Variants in ATP10B observed in about 807,000 individuals in gnomAD.
ATP10B encodes phospholipid-transporting ATPase VB.
Under a neutral mutation model 141.2 loss-of-function variants are expected in ATP10B, and 122 were observed. The observed-to-expected ratio is 0.86, with a 90% CI of 0.75 to 1.00. The LOEUF is 1.00. ATP10B is among the 50% of genes least tolerant of loss of function. The pLI is 0.00. For missense variants in ATP10B, 1,876 were observed against 1,825.3 expected (o/e 1.03, Z -0.51); for synonymous variants, 685 against 692.0 (o/e 0.99, Z 0.16).
At position 160,831,861 on chromosome 5, in the gene ATP10B, T is replaced by A. The variant is rs114652478; in HGVS notation, c.-576+20080A>T. ...GATCAAGATGTGTGGAAAACACTGG[T>A]TTGAATAAAGTTAAATTTCTCACTT... On this transcript the variant is annotated intron_variant, in intron 1 of 25. Coordinates refer to ENST00000327245, the MANE Select transcript of ATP10B (RefSeq NM_025153.3). 6.0e-3 allele frequency among the ~76,000 whole-genome samples: 916 copies of A among 152,216 alleles called. 13 individuals carry two copies. The highest frequency in any genetic ancestry group is 0.021 in the African/African-American group (873 of 41,558).
At chr5:160,572,805 C>A (rs1754956636) in intron 24 of ATP10B, among the ~76,000 whole-genome samples, 1 of 152,188 alleles carries the variant, frequency 6.6e-6, no homozygotes, top group Non-Finnish European at 1.5e-5. Context: ...TGCTTATAGA[C>A]AATAAACCTC....
chr5:160,859,849 T>C, the ATP10B span, among the ~76,000 whole-genome samples: 601 of 152,038 alleles, frequency 4.0e-3, 4 homozygotes, highest in African/African-American at 0.014. Context: ...ACTCCATTTA[T>C]AAATAATGGC....
the ATP10B span, among the ~76,000 whole-genome samples, chr5:160,883,049 A>G: frequency 6.6e-6 from 1 of 152,234 alleles, no homozygotes; most frequent in African/African-American, 2.4e-5. Flanking sequence ...GTAAACATCA[A>G]ATATAGGAAT....
At chr5:160,744,783 A>C (rs1010950864) in intron 2 of ATP10B, among the ~76,000 whole-genome samples, 1 of 151,852 alleles carries the variant, frequency 6.6e-6, no homozygotes, top group Non-Finnish European at 1.5e-5. Context: ...CAATTTACAT[A>C]TGTTAAGTCT....
chr5:160,606,258 G>A (rs996428325), intron 19 of ATP10B, among the ~76,000 whole-genome samples: 1 of 152,118 alleles, frequency 6.6e-6, no homozygotes, highest in Non-Finnish European at 1.5e-5. Flanking sequence ...ACCAATGCTA[G>A]CATCTATTGG....
intron 1 of ATP10B, among the ~76,000 whole-genome samples, chr5:160,812,062 G>GC (rs1773215929): frequency 6.9e-6 from 1 of 145,966 alleles, no homozygotes; most frequent in African/African-American, 2.6e-5. Context: ...GAGAGAGAGG[G>GC]AGAGGGAGAG....
At chr5:160,771,521 TA>T (rs977748509) in intron 2 of ATP10B, among the ~76,000 whole-genome samples, 3 of 152,204 alleles carry the variant, frequency 2.0e-5, no homozygotes, top group East Asian at 1.9e-4. Context: ...TATATGTCCT[TA>T]AAAAATTTGA....
intron 2 of ATP10B, among the ~76,000 whole-genome samples, chr5:160,723,305 C>T (rs1007508087): frequency 7.9e-5 from 12 of 152,100 alleles, no homozygotes; most frequent in African/African-American, 2.7e-4. Flanking sequence ...ATGAAGCTTA[C>T]ATTTTGGTGG....
At chr5:160,880,010 C>A in the ATP10B span, among the ~76,000 whole-genome samples, 1 of 151,346 alleles carries the variant, frequency 6.6e-6, no homozygotes, top group Non-Finnish European at 1.5e-5. Context: ...TATTAGTACT[C>A]CTAAAAATGA....
chr5:160,726,996 G>T (rs530470478), intron 2 of ATP10B, among the ~76,000 whole-genome samples: 1 of 152,178 alleles, frequency 6.6e-6, no homozygotes, highest in African/African-American at 2.4e-5. Context: ...AGGAACTAAG[G>T]TACTTCTTAC....
intron 1 of ATP10B, among the ~76,000 whole-genome samples, chr5:160,816,273 AAAGAGAG>A (rs1773617790): frequency 1.6e-5 from 2 of 128,842 alleles, no homozygotes; most frequent in Non-Finnish European, 3.6e-5. Flanking sequence ...ATAAAGAAGA[AAAGAGAG>A]AAGAATCAAA....
chr5:160,852,125 G>C lies in ATP10B; in HGVS notation c.-760C>G, dbSNP rs2127993761. Reference sequence around the variant, plus strand: ...AAGCTAACACTCCCTCAGAAACTTAGAGAAGATGACACACTGAAAAGAAAT... The same window carrying C: ...AAGCTAACACTCCCTCAGAAACTTACAGAAGATGACACACTGAAAAGAAAT... On this transcript the variant is annotated 5_prime_UTR_variant, in exon 1 of 26. Transcript: ENST00000327245. The C allele has an allele frequency of 6.6e-6, 1 of 152,218 alleles. No individual in the cohort carries two copies. Among genetic ancestry groups the C allele is most frequent in the Non-Finnish European group, 1.5e-5 (1 of 68,020 alleles). 9.4% of individuals were successfully genotyped at this position (152,218 alleles called of 1,614,324 possible).
the ATP10B span, among the ~76,000 whole-genome samples, chr5:160,917,419 A>G: frequency 3.3e-5 from 5 of 152,034 alleles, no homozygotes; most frequent in African/African-American, 9.7e-5. Flanking sequence ...ACCTCTAACC[A>G]TGAACAGGCT....
At chr5:160,820,191 G>T (rs1256488110) in intron 1 of ATP10B, among the ~76,000 whole-genome samples, 2 of 151,388 alleles carry the variant, frequency 1.3e-5, no homozygotes, top group East Asian at 1.9e-4. Flanking sequence ...TGAAAAAGTA[G>T]ACCTTACAAC....
At chr5:160,674,596 T>C (rs1405748552) in intron 6 of ATP10B, among the ~76,000 whole-genome samples, 1 of 152,162 alleles carries the variant, frequency 6.6e-6, no homozygotes, top group Admixed American at 6.5e-5. Flanking sequence ...TCGCATGCAG[T>C]GGTGAAGAAA....
intron 7 of ATP10B, among the ~76,000 whole-genome samples, chr5:160,652,472 T>TATTC (rs1760820090): frequency 2.6e-5 from 3 of 114,148 alleles, no homozygotes; most frequent in African/African-American, 9.5e-5. Flanking sequence ...TTTATTTATT[T>TATTC]ATTCGAGACA....
chr5:160,733,615 C>T (rs1766891500), intron 2 of ATP10B, among the ~76,000 whole-genome samples: 1 of 151,284 alleles, frequency 6.6e-6, no homozygotes, highest in African/African-American at 2.4e-5. Context: ...ATATGTCACA[C>T]ATATATTACA....
At chr5:160,651,188 T>A (rs1296486755) in intron 7 of ATP10B, among the ~76,000 whole-genome samples, 1 of 152,172 alleles carries the variant, frequency 6.6e-6, no homozygotes, top group African/African-American at 2.4e-5. Flanking sequence ...TAAAGAAGGC[T>A]CCCCATGGTC....
chr5:160,909,059 G>A, the ATP10B span, among the ~76,000 whole-genome samples: 5 of 152,230 alleles, frequency 3.3e-5, no homozygotes, highest in South Asian at 2.1e-4. Context: ...TAACAGATAT[G>A]GCACCTGCTC....
Sources: gnomAD v4.1 joint callset for allele counts (sites outside exome capture counted in the v4.1 genomes callset) on GRCh38, gnomAD v4.1.1 for gene constraint, MANE v1.5 for transcripts, NCBI Gene and HGNC (gene_info 2026-07-23, HGNC 2026-07-21) for gene names.